GOLM1: variants seen among roughly 807,000 people sequenced by gnomAD.
The protein encoded by GOLM1 is golgi membrane protein 1.
In GOLM1, 31 loss-of-function variants were observed where a neutral mutation model predicts 50.5. That is an observed-to-expected ratio of 0.61 (90% CI 0.46 to 0.83). The LOEUF is 0.83. Among genes scored for constraint, GOLM1 ranks in the 40% least tolerant of loss-of-function variants. The probability of loss-of-function intolerance (pLI) is 0.00; values close to 1 mark genes in which losing one functional copy is unlikely to be tolerated. For synonymous variants in GOLM1, 178 were observed against 192.8 expected, an observed-to-expected ratio of 0.92 and a Z score of 0.64; for missense variants, 491 against 501.3, an observed-to-expected ratio of 0.98 and a Z score of 0.20.
intron 5 of GOLM1, 82 bp downstream of exon 5, chr9:86,046,388 C>T (rs1377379486): frequency 1.5e-5 from 12 of 810,088 alleles, no homozygotes; most frequent in East Asian, 1.0e-4. Context: ...CATGCTCTAT[C>T]GGAGGTTACA....
chr9:86,039,752 G>A (rs1244894362), intron 6 of GOLM1, among the ~76,000 whole-genome samples: 1 of 152,148 alleles, frequency 6.6e-6, no homozygotes, highest in East Asian at 1.9e-4. Context: ...TGGATCACTT[G>A]AGGTCAGCCG....
At chr9:86,029,813 C>A (rs1468329159) in intron 9 of GOLM1, among the ~76,000 whole-genome samples, 1 of 152,200 alleles carries the variant, frequency 6.6e-6, no homozygotes, top group African/African-American at 2.4e-5. Context: ...TTGTTTAAAA[C>A]CTTGCACAAG....
Position 86,099,500 on chromosome 9 carries a change from C to T in GOLM1, c.-111G>A, listed in dbSNP as rs912711012. The T allele has an allele frequency of 1.3e-5, 2 of 149,366 alleles. No individual in the cohort carries two copies. Among genetic ancestry groups the T allele is most frequent in the African/African-American group, 4.9e-5 (2 of 40,614 alleles). 9.3% of individuals were successfully genotyped at this position (149,366 alleles called of 1,614,324 possible). On this transcript the variant is annotated 5_prime_UTR_variant, in exon 1 of 10. Transcript: ENST00000388712. ...CTCTCCCGCCGCCGCCGGCCTCGAGCTCCGGCCGGCTCCGCGCCGTGCGCC... is the reference window on the plus strand; with the variant it reads ...CTCTCCCGCCGCCGCCGGCCTCGAGTTCCGGCCGGCTCCGCGCCGTGCGCC...
chr9:86,026,774 TAACTTG>T lies in GOLM1; in HGVS notation c.*1037_*1042del. On this transcript the variant is annotated 3_prime_UTR_variant, in exon 10 of 10. Transcript: ENST00000388712. ...AAGTAGTAATTTTCAAAATTCACAT[TAACTTG>T]ATTTTAAAATCAGTTTTGTGAGTCA... The T allele has an allele frequency of 1.0e-6, 1 of 981,712 alleles. No homozygotes were observed. The highest frequency in any genetic ancestry group is 1.2e-6 in the Non-Finnish European group (1 of 826,538). The allele number at this position is 981,712 out of a possible 1,614,324, so 60.8% of individuals were successfully genotyped here.
chr9:86,049,966 C>T (rs2118718222), intron 4 of GOLM1, among the ~76,000 whole-genome samples: 1 of 152,276 alleles, frequency 6.6e-6, no homozygotes, highest in East Asian at 1.9e-4. Context: ...GGAATGCTTC[C>T]AGTTTTTGCC....
In GOLM1 at chr9:86,036,563, T is replaced by C. The variant is rs142617866; in HGVS notation, c.598-56A>G. On this transcript the variant is annotated intron_variant, in intron 6 of 9. Coordinates refer to ENST00000388712, the MANE Select transcript of GOLM1 (RefSeq NM_016548.4). ...GGCAGGGCTCTGTGAACAGAAGCCG[T>C]AAAAGAATCCTACCAATGCAATGAA... 2,100 of 1,574,968 alleles carry C rather than the reference T, an allele frequency of 1.3e-3. 24 individuals carry two copies. The African/African-American group carries it at 0.024, about 18-fold the overall frequency.
At chr9:86,080,597 T>C (rs1286152392) in intron 1 of GOLM1, among the ~76,000 whole-genome samples, 2 of 152,168 alleles carry the variant, frequency 1.3e-5, no homozygotes, top group Admixed American at 6.5e-5. Flanking sequence ...TATGGTCTTT[T>C]CAGGTGGGTC....
Position 86,033,327 on chromosome 9 carries a change from T to C in GOLM1, c.1084A>G (p.Thr362Ala). Residue 362 changes from threonine to alanine, a missense_variant, in exon 9 of 10, where the codon ACA becomes GCA. By Grantham distance (58) the Thr-to-Ala change is moderately conservative. Coordinates refer to ENST00000388712, the MANE Select transcript of GOLM1 (RefSeq NM_016548.4). ...CCTGCCAGGGCTGCTTGCTTGTCTG[T>C]CTCAGATTCTGCTTCATTTTCATCC... Reference protein sequence around the residue: ...NMDENEAESETDKQAALAGND... With the variant: ...NMDENEAESEADKQAALAGND... 6.2e-7 allele frequency: 1 copy of C among 1,613,476 alleles called. No homozygotes were observed. Among genetic ancestry groups the C allele is most frequent in the East Asian group, 2.2e-5 (1 of 44,876 alleles).
chr9:86,079,454 G>T, intron 1 of GOLM1, 113 bp from the exon 2 acceptor site: 1 of 794,500 alleles, frequency 1.3e-6, no homozygotes, highest in Non-Finnish European at 1.9e-6. Flanking sequence ...AGCGTGGGCT[G>T]GTAGCTTCTC....
rs141973707 is a variant in GOLM1, at chr9:86,046,014, G to A, written c.467+456C>T. On this transcript the variant is annotated intron_variant, in intron 5 of 9. Coordinates refer to ENST00000388712, the MANE Select transcript of GOLM1 (RefSeq NM_016548.4). Reference sequence around the variant, plus strand: ...TAATAGTTTAATATTGCTTGGTTTTGATTATCAAAGTATTCCATTCTCACT... The same window carrying A: ...TAATAGTTTAATATTGCTTGGTTTTAATTATCAAAGTATTCCATTCTCACT... Among the ~76,000 whole-genome samples the A allele has an allele frequency of 2.0e-4, 30 of 152,290 alleles. No homozygotes were observed. The East Asian group carries it at 5.0e-3, about 25-fold the overall frequency.
intron 3 of GOLM1, among the ~76,000 whole-genome samples, chr9:86,071,977 G>A (rs1314901253): frequency 8.5e-5 from 13 of 152,104 alleles, no homozygotes; most frequent in Admixed American, 8.5e-4. Context: ...AAGAAAGAGG[G>A]TACAGCAGTG....
At chr9:86,076,949 A>G (rs1162618122) in intron 3 of GOLM1, among the ~76,000 whole-genome samples, 6 of 151,536 alleles carry the variant, frequency 4.0e-5, no homozygotes, top group Admixed American at 2.0e-4. Context: ...TTTTTTTCCT[A>G]GCTTAAAAGC....
intron 1 of GOLM1, among the ~76,000 whole-genome samples, chr9:86,083,001 C>T (rs1834832955): frequency 6.6e-6 from 1 of 152,192 alleles, no homozygotes; most frequent in Non-Finnish European, 1.5e-5. Context: ...TTTCAAAGGG[C>T]TGAATAGGGC....
chr9:86,048,811 C>T (rs1833643194), intron 4 of GOLM1, among the ~76,000 whole-genome samples: 1 of 152,136 alleles, frequency 6.6e-6, no homozygotes, highest in Non-Finnish European at 1.5e-5. Flanking sequence ...AAAATTTTCT[C>T]CCATTCTGTA....
At chr9:86,080,532 C>T (rs1834752837) in intron 1 of GOLM1, among the ~76,000 whole-genome samples, 1 of 152,118 alleles carries the variant, frequency 6.6e-6, no homozygotes, top group Admixed American at 6.6e-5. Flanking sequence ...ACCAAGGATT[C>T]ACCTGCAAAA....
intron 9 of GOLM1, among the ~76,000 whole-genome samples, chr9:86,029,589 A>G (rs1317149020): frequency 6.6e-6 from 1 of 151,970 alleles, no homozygotes; most frequent in East Asian, 1.9e-4. Flanking sequence ...TTTAATGACC[A>G]TTAAATACCT....
intron 5 of GOLM1, among the ~76,000 whole-genome samples, chr9:86,043,557 C>G (rs1235298708): frequency 6.6e-6 from 1 of 152,154 alleles, no homozygotes; most frequent in African/African-American, 2.4e-5. Flanking sequence ...CTAAAAGGGC[C>G]TATAATCCAA....
rs542138702 is a variant in GOLM1 at position 86,083,509 on chromosome 9, T to G, written c.-21-4168A>C. 1.4e-4 allele frequency among the ~76,000 whole-genome samples: 21 copies of G among 152,310 alleles called. No individual in the cohort carries two copies. The South Asian group carries it at 4.4e-3, about 32-fold the overall frequency. ...AAAGGATTCTCCCATCTCAGCCTCC[T>G]GAGTAGCTGGGATTAGAGGTGGCCA... is the stretch of plus-strand genomic sequence containing the variant. On this transcript the variant is annotated intron_variant, in intron 1 of 9. Transcript: ENST00000388712.
intron 3 of GOLM1, among the ~76,000 whole-genome samples, chr9:86,073,868 T>C (rs1371548108): frequency 1.3e-5 from 2 of 152,236 alleles, no homozygotes; most frequent in Non-Finnish European, 2.9e-5. Context: ...TGGTGGCTAC[T>C]GTACTATAAA....
Sources: gnomAD v4.1 joint callset for allele counts (sites outside exome capture counted in the v4.1 genomes callset) on GRCh38, gnomAD v4.1.1 for gene constraint, MANE v1.5 for transcripts, NCBI Gene and HGNC (gene_info 2026-07-23, HGNC 2026-07-21) for gene names.